The following PLD5 variants were observed in gnomAD, a reference collection of about 807,000 sequenced individuals.
PLD5 encodes inactive phospholipase D5.
A neutral mutation model predicts 61.1 loss-of-function variants in PLD5; 36 were observed. The observed-to-expected ratio is 0.59, with a 90% CI of 0.45 to 0.78. PLD5 has a LOEUF of 0.78. PLD5 is among the 30% of genes least tolerant of loss of function. The pLI, the probability that PLD5 is intolerant of heterozygous loss-of-function variation, is 0.00. For synonymous variants in PLD5, 243 were observed against 242.8 expected (o/e 1.00, Z -0.01); for missense variants, 515 against 644.4 (o/e 0.80, Z 2.17).
intron 5 of PLD5, among the ~76,000 whole-genome samples, chr1:242,186,244 A>G (rs374650773): frequency 5.5e-4 from 84 of 151,902 alleles, no homozygotes; most frequent in African/African-American, 2.0e-3. Flanking sequence ...GTGCAGTGGT[A>G]TAATCTCAGC....
chr1:242,309,516 G>A (rs541581942), intron 2 of PLD5, among the ~76,000 whole-genome samples: 1 of 151,744 alleles, frequency 6.6e-6, no homozygotes, highest in African/African-American at 2.4e-5. Context: ...TGGGATTACA[G>A]GTGCATGCCA....
rs548857311 is a variant in PLD5, at chr1:242,501,653, T to G, written c.189+22435A>C. ...TTCATAGACATAAAAGACTCAGGAA[T>G]AAAGCATGGAAAAATCCAAAGAGAA... On this transcript the variant is annotated intron_variant, in intron 1 of 9. Coordinates refer to ENST00000536534, the MANE Select transcript of PLD5 (RefSeq NM_001372062.1). Among the ~76,000 whole-genome samples the G allele has an allele frequency of 4.3e-4, 66 of 152,174 alleles. No individual in the cohort carries two copies. The South Asian group carries it at 8.1e-3, about 19-fold the overall frequency.
chr1:242,160,153 A>C (rs1334504416), intron 5 of PLD5, among the ~76,000 whole-genome samples: 1 of 152,086 alleles, frequency 6.6e-6, no homozygotes, highest in Non-Finnish European at 1.5e-5. Flanking sequence ...CCAGAACCAC[A>C]GGCATGTGCC....
chr1:242,197,491 C>T (rs1029562221), intron 5 of PLD5, among the ~76,000 whole-genome samples: 2 of 152,146 alleles, frequency 1.3e-5, no homozygotes, highest in African/African-American at 4.8e-5. Flanking sequence ...GAACCACAAA[C>T]CACTTCACCT....
In PLD5 at chr1:242,220,099, G is replaced by A; in HGVS notation, c.624C>T (p.Tyr208=). 1.2e-6 allele frequency: 2 copies of A among 1,614,166 alleles called. No individual in the cohort carries two copies. Among genetic ancestry groups the A allele is most frequent in the South Asian group, 1.1e-5 (1 of 91,084 alleles). The change falls in exon 5 of 10, where the codon TAC becomes TAT. Residue 208 remains tyrosine, a synonymous_variant. Coordinates refer to ENST00000536534, the MANE Select transcript of PLD5 (RefSeq NM_001372062.1). The part of the protein sequence containing the change: ...ALKLKGAEVT[Y]MNMTAYNKGR... ...CCTTGTTGTAAGCGGTCATGTTCAT[G>A]TACGTCACCTCGGCTCCTAGGAGTT...
chr1:242,482,240 T>A (rs1667804673), intron 1 of PLD5, among the ~76,000 whole-genome samples: 1 of 152,182 alleles, frequency 6.6e-6, no homozygotes, highest in Non-Finnish European at 1.5e-5. Context: ...GAAGAAGGCT[T>A]CAGACAATCA....
At chr1:242,196,335 G>A (rs1430662625) in intron 5 of PLD5, among the ~76,000 whole-genome samples, 1 of 152,104 alleles carries the variant, frequency 6.6e-6, no homozygotes, top group Non-Finnish European at 1.5e-5. Flanking sequence ...GTAGTGCCCT[G>A]TGGGGAAGGT....
chr1:242,132,051 G>C (rs1164660206), intron 5 of PLD5, among the ~76,000 whole-genome samples: 1 of 151,574 alleles, frequency 6.6e-6, no homozygotes, highest in East Asian at 1.9e-4. Context: ...GGATGGTCTT[G>C]AACTCATGAC....
intron 1 of PLD5, among the ~76,000 whole-genome samples, chr1:242,440,131 G>T (rs2102905140): frequency 6.6e-6 from 1 of 152,306 alleles, no homozygotes; most frequent in African/African-American, 2.4e-5. Flanking sequence ...GGAGTTACAG[G>T]ATATAGCTTA....
intron 5 of PLD5, among the ~76,000 whole-genome samples, chr1:242,126,978 A>T (rs1662838283): frequency 6.6e-6 from 1 of 150,386 alleles, no homozygotes; most frequent in Admixed American, 6.6e-5. Flanking sequence ...CAACCCCATA[A>T]AAAAGTAGGC....
At chr1:242,494,147 C>T (rs1479301556) in intron 1 of PLD5, among the ~76,000 whole-genome samples, 1 of 125,272 alleles carries the variant, frequency 8.0e-6, no homozygotes, top group Admixed American at 8.9e-5. Context: ...TCTCCTCTCT[C>T]GATTCTAAGT....
chr1:242,380,472 A>T (rs1248122986), intron 1 of PLD5, among the ~76,000 whole-genome samples: 1 of 152,222 alleles, frequency 6.6e-6, no homozygotes, highest in Non-Finnish European at 1.5e-5. Flanking sequence ...AGATGGAAGT[A>T]CTAAGAATGC....
intron 2 of PLD5, among the ~76,000 whole-genome samples, chr1:242,318,684 T>C (rs1208892654): frequency 9.9e-5 from 15 of 151,948 alleles, no homozygotes; most frequent in Non-Finnish European, 1.5e-5. Flanking sequence ...ATATGGGGTC[T>C]CTCACTATGT....
At chr1:242,419,859 T>C (rs1665041913) in intron 1 of PLD5, among the ~76,000 whole-genome samples, 1 of 152,186 alleles carries the variant, frequency 6.6e-6, no homozygotes, top group Admixed American at 6.5e-5. Context: ...CTCACACCAC[T>C]GTATGAGACT....
chr1:242,160,585 C>T (rs1481298179), intron 5 of PLD5, among the ~76,000 whole-genome samples: 1 of 152,102 alleles, frequency 6.6e-6, no homozygotes, highest in African/African-American at 2.4e-5. Context: ...ACTTTATTGA[C>T]ACTGGAAAAT....
upstream of PLD5, among the ~76,000 whole-genome samples, chr1:242,527,694 C>T (rs1669479733): frequency 6.6e-6 from 1 of 152,064 alleles, no homozygotes; most frequent in Admixed American, 6.5e-5. Context: ...TCGTTTATGC[C>T]AGTAATATGG....
At chr1:242,219,066 A>G (rs1670398516) in intron 5 of PLD5, among the ~76,000 whole-genome samples, 1 of 152,232 alleles carries the variant, frequency 6.6e-6, no homozygotes, top group African/African-American at 2.4e-5. Context: ...AGCTGATAAC[A>G]TAGGTTTAAC....
chr1:242,519,462 A>G (rs188576846), intron 1 of PLD5, among the ~76,000 whole-genome samples: 124 of 152,338 alleles, frequency 8.1e-4, no homozygotes, highest in Admixed American at 1.9e-3. Context: ...ACGGCTCACT[A>G]CAGGTGAGAA....
At chr1:242,127,037 C>A (rs1662844830) in intron 5 of PLD5, among the ~76,000 whole-genome samples, 1 of 152,122 alleles carries the variant, frequency 6.6e-6, no homozygotes, top group African/African-American at 2.4e-5. Flanking sequence ...AAATGGCCAA[C>A]AAACATATGA....
Sources: gnomAD v4.1 joint callset for allele counts (sites outside exome capture counted in the v4.1 genomes callset) on GRCh38, gnomAD v4.1.1 for gene constraint, MANE v1.5 for transcripts, NCBI Gene and HGNC (gene_info 2026-07-23, HGNC 2026-07-21) for gene names.